SETBP1: variants seen among roughly 807,000 people sequenced by gnomAD.
SETBP1 encodes the protein SET binding protein 1.
A neutral mutation model predicts 101.0 loss-of-function variants in SETBP1; 9 were observed. The ratio of observed to expected loss-of-function variants is 0.09; its 90% CI spans 0.05 to 0.16. The LOEUF is 0.16. Ranked by LOEUF, SETBP1 falls within the 10% of genes least tolerant of loss-of-function variation. The pLI, the probability that SETBP1 is intolerant of heterozygous loss-of-function variation, is 1.00. For missense variants in SETBP1, 1,858 were observed against 2,033.8 expected (o/e 0.91, Z 1.66); for synonymous variants, 818 against 788.5 (o/e 1.04, Z -0.63).
At chr18:44,745,582 ACTCT>A (rs1212195990) in intron 2 of SETBP1, among the ~76,000 whole-genome samples, 2 of 152,210 alleles carry the variant, frequency 1.3e-5, no homozygotes, top group African/African-American at 2.4e-5. Flanking sequence ...GTGTCCTATT[ACTCT>A]CTAACAATTT....
At chr18:44,875,450 G>A (rs117933201) in intron 3 of SETBP1, among the ~76,000 whole-genome samples, 2,507 of 150,640 alleles carry the variant, frequency 0.017, 25 homozygotes, top group Non-Finnish European at 0.024. Context: ...CCCAGAAGGA[G>A]GAGGTTGCCG....
At chr18:44,882,521 T>C (rs1310148430) in intron 3 of SETBP1, among the ~76,000 whole-genome samples, 1 of 151,858 alleles carries the variant, frequency 6.6e-6, no homozygotes, top group African/African-American at 2.4e-5. Flanking sequence ...TTTTTTAACC[T>C]GCCTCTTTCT....
At chr18:44,733,641 A>G (rs1166888146) in intron 2 of SETBP1, among the ~76,000 whole-genome samples, 1 of 152,158 alleles carries the variant, frequency 6.6e-6, no homozygotes, top group Non-Finnish European at 1.5e-5. Context: ...CTGATTTTAC[A>G]TCCTTCTCTT....
chr18:44,934,664 A>G (rs2070919469), intron 3 of SETBP1, among the ~76,000 whole-genome samples: 1 of 152,138 alleles, frequency 6.6e-6, no homozygotes, highest in African/African-American at 2.4e-5. Context: ...TCACTTGTTG[A>G]CCTCATCTTA....
At chr18:44,903,883 G>T (rs1396804080) in intron 3 of SETBP1, among the ~76,000 whole-genome samples, 1 of 152,022 alleles carries the variant, frequency 6.6e-6, no homozygotes, top group Non-Finnish European at 1.5e-5. Context: ...TATCTGTATT[G>T]CTCATTTGAT....
intron 4 of SETBP1, among the ~76,000 whole-genome samples, chr18:45,029,469 G>A (rs1438967330): frequency 1.3e-5 from 2 of 152,042 alleles, no homozygotes; most frequent in African/African-American, 4.8e-5. Context: ...TTGTTCTTTT[G>A]GCTTAGGATT....
intron 2 of SETBP1, among the ~76,000 whole-genome samples, chr18:44,732,294 A>G (rs1392105170): frequency 1.3e-5 from 2 of 152,272 alleles, no homozygotes; most frequent in East Asian, 1.9e-4. Flanking sequence ...GGGCTATGCA[A>G]TTGTATTTTC....
chr18:44,964,926 T>C (rs9951037), intron 4 of SETBP1, among the ~76,000 whole-genome samples: 8,099 of 152,254 alleles, frequency 0.053, 750 homozygotes, highest in African/African-American at 0.18. Context: ...TGTGTCATTA[T>C]CCAAACGGGG....
chr18:44,976,645 A>G (rs1803524989), intron 4 of SETBP1, among the ~76,000 whole-genome samples: 2 of 152,216 alleles, frequency 1.3e-5, no homozygotes, highest in South Asian at 4.1e-4. Context: ...GTTAGTAGCT[A>G]TTAGAGTCAC....
At chr18:44,727,604 T>A (rs932948032) in intron 2 of SETBP1, among the ~76,000 whole-genome samples, 2 of 152,212 alleles carry the variant, frequency 1.3e-5, no homozygotes, top group African/African-American at 4.8e-5. Flanking sequence ...AACAATCATT[T>A]ACGCAACCCC....
intron 4 of SETBP1, among the ~76,000 whole-genome samples, chr18:44,970,940 A>G (rs190826557): frequency 1.3e-5 from 2 of 152,036 alleles, no homozygotes; most frequent in African/African-American, 2.4e-5. Context: ...ATATGTATAC[A>G]TGTGCCATGT....
chr18:44,883,781 T>C (rs968679292), intron 3 of SETBP1, among the ~76,000 whole-genome samples: 2 of 152,298 alleles, frequency 1.3e-5, no homozygotes, highest in African/African-American at 2.4e-5. Context: ...AATTTTTTTT[T>C]CCAAAAATTC....
chr18:44,959,297 G>T (rs984276891), intron 4 of SETBP1, among the ~76,000 whole-genome samples: 1 of 152,118 alleles, frequency 6.6e-6, no homozygotes, highest in Non-Finnish European at 1.5e-5. Flanking sequence ...GATAAGCAAG[G>T]CACCTTTGGA....
At chr18:44,862,624 G>A (rs1368003932) in intron 2 of SETBP1, among the ~76,000 whole-genome samples, 1 of 152,210 alleles carries the variant, frequency 6.6e-6, no homozygotes, top group African/African-American at 2.4e-5. Context: ...CTGGAATGGG[G>A]AACTCATGTA....
In SETBP1 at chr18:45,054,808, C is replaced by T. The variant is rs140035805; in HGVS notation, c.4172-8271C>T. Among the ~76,000 whole-genome samples, 19 of 152,236 alleles carry T rather than the reference C, an allele frequency of 1.2e-4. No homozygotes were observed. In the East Asian group the frequency reaches 2.9e-3, roughly 23 times the overall value. ...AAAGTCCCAGGTGGTTTGTCTAACC[C>T]GTGGGCCCATGAAATAACTGGCGTT... On this transcript the variant is annotated intron_variant, in intron 5 of 5. Transcript: ENST00000649279.
chr18:44,857,580 G>A (rs1250252442), intron 2 of SETBP1, among the ~76,000 whole-genome samples: 1 of 152,180 alleles, frequency 6.6e-6, no homozygotes, highest in Non-Finnish European at 1.5e-5. Context: ...AAGGGTTTGG[G>A]CATGTGATTA....
chr18:44,898,848 T>A (rs905256416), intron 3 of SETBP1, among the ~76,000 whole-genome samples: 2 of 152,224 alleles, frequency 1.3e-5, no homozygotes, highest in Non-Finnish European at 2.9e-5. Context: ...TTTGAGAGGA[T>A]TAAATGCTCA....
At chr18:44,830,689 T>C (rs1382482605) in intron 2 of SETBP1, among the ~76,000 whole-genome samples, 1 of 152,222 alleles carries the variant, frequency 6.6e-6, no homozygotes, top group African/African-American at 2.4e-5. Flanking sequence ...TCTGCTTCCT[T>C]GGCCAGAATA....
chr18:44,782,895 A>C (rs574627712), intron 2 of SETBP1, among the ~76,000 whole-genome samples: 1 of 152,288 alleles, frequency 6.6e-6, no homozygotes, highest in African/African-American at 2.4e-5. Flanking sequence ...AATAGTATTT[A>C]TATCCATGAC....
Sources: allele counts gnomAD v4.1 joint callset (sites outside exome capture counted in the v4.1 genomes callset), GRCh38; gene constraint gnomAD v4.1.1; transcripts MANE v1.5; gene names NCBI Gene and HGNC (gene_info 2026-07-23, HGNC 2026-07-21).